TAFA2: variants seen among roughly 807,000 people sequenced by gnomAD.
TAFA2 encodes the protein TAFA chemokine like family member 2.
TAFA2 carries 7 observed loss-of-function variants against 18.8 expected under a neutral mutation model. The observed-to-expected ratio is 0.37, with a 90% CI of 0.21 to 0.70. The LOEUF (loss-of-function observed/expected upper bound fraction) is 0.70. TAFA2 is among the 30% of genes least tolerant of loss of function. TAFA2 has a pLI of 0.53. For synonymous variants in TAFA2, 60 were observed against 54.2 expected (o/e 1.11, Z -0.47); for missense variants, 122 against 158.1 (o/e 0.77, Z 1.23).
At chr12:61,839,476 G>A (rs1053186551) in intron 2 of TAFA2, among the ~76,000 whole-genome samples, 6 of 151,972 alleles carry the variant, frequency 3.9e-5, no homozygotes, top group South Asian at 2.1e-4. Context: ...CACTACTCAC[G>A]ATAGCAAAGA....
At chr12:61,926,216 A>G (rs1877284541) in intron 1 of TAFA2, among the ~76,000 whole-genome samples, 1 of 152,218 alleles carries the variant, frequency 6.6e-6, no homozygotes, top group Non-Finnish European at 1.5e-5. Flanking sequence ...CCTACCAACC[A>G]ACAAAAGCCC....
At chr12:62,221,102 TA>T (rs1157728535) in intron 1 of TAFA2, among the ~76,000 whole-genome samples, 21 of 125,120 alleles carry the variant, frequency 1.7e-4, no homozygotes, top group African/African-American at 6.1e-4. Context: ...AGACTCCGTC[TA>T]AAAAAAAACA....
intron 2 of TAFA2, among the ~76,000 whole-genome samples, chr12:61,849,538 T>C (rs1478900577): frequency 1.3e-5 from 2 of 152,204 alleles, no homozygotes; most frequent in Non-Finnish European, 2.9e-5. Context: ...ACTAAGTACA[T>C]AACTTTCTAT....
chr12:62,002,433 G>A (rs1880409629), intron 1 of TAFA2, among the ~76,000 whole-genome samples: 1 of 151,948 alleles, frequency 6.6e-6, no homozygotes, highest in Admixed American at 6.6e-5. Flanking sequence ...TTGCGTAATG[G>A]GCCTAGCTAC....
intron 2 of TAFA2, among the ~76,000 whole-genome samples, chr12:61,850,304 AT>A (rs576906342): frequency 5.9e-5 from 9 of 151,760 alleles, no homozygotes; most frequent in Non-Finnish European, 7.4e-5. Context: ...TAATTCAATA[AT>A]TTTTTTTACT....
intron 1 of TAFA2, chr12:62,235,463 T>C: frequency 1.3e-5 from 8 of 627,246 alleles, no homozygotes; most frequent in Admixed American, 7.2e-5. Flanking sequence ...CGCCTGCCAC[T>C]GGCTCAGCTT....
chr12:61,974,745 T>C (rs1041399685), intron 1 of TAFA2, among the ~76,000 whole-genome samples: 2 of 151,816 alleles, frequency 1.3e-5, no homozygotes, highest in Non-Finnish European at 2.9e-5. Context: ...ATTTAAATTA[T>C]TAATCAATCA....
At chr12:62,034,070 G>A (rs1040865324) in intron 1 of TAFA2, among the ~76,000 whole-genome samples, 1 of 152,202 alleles carries the variant, frequency 6.6e-6, no homozygotes, top group Non-Finnish European at 1.5e-5. Context: ...GGGAAAAAGA[G>A]TGGAAGACAT....
intron 1 of TAFA2, among the ~76,000 whole-genome samples, chr12:61,910,950 G>C (rs1009367721): frequency 1.3e-5 from 2 of 152,110 alleles, no homozygotes; most frequent in Admixed American, 1.3e-4. Flanking sequence ...ATGTTTGACT[G>C]TTTCTTTGTT....
At chr12:61,911,527 C>T (rs538374467) in intron 1 of TAFA2, among the ~76,000 whole-genome samples, 17 of 152,114 alleles carry the variant, frequency 1.1e-4, no homozygotes, top group Non-Finnish European at 2.2e-4. Context: ...AGCTAAATTC[C>T]ACAAGGAATT....
chr12:62,243,758 T>G (rs1565787114), intron 1 of TAFA2, among the ~76,000 whole-genome samples: 1 of 152,238 alleles, frequency 6.6e-6, no homozygotes, highest in Non-Finnish European at 1.5e-5. Flanking sequence ...TTACAACATC[T>G]GCTTTTTATT....
chr12:61,869,726 C>T (rs1874512461), intron 1 of TAFA2, among the ~76,000 whole-genome samples: 1 of 152,102 alleles, frequency 6.6e-6, no homozygotes, highest in Non-Finnish European at 1.5e-5. Context: ...CTCAGTAAAC[C>T]AAATGTCATT....
At chr12:62,190,888 C>A (rs2062618253) in intron 1 of TAFA2, among the ~76,000 whole-genome samples, 1 of 152,144 alleles carries the variant, frequency 6.6e-6, no homozygotes. Context: ...TGGTTACCAG[C>A]CAGGATGGGT....
chr12:61,759,274 G>A (rs555812794), intron 2 of TAFA2, among the ~76,000 whole-genome samples: 3 of 152,132 alleles, frequency 2.0e-5, no homozygotes, highest in East Asian at 1.9e-4. Context: ...CCTTCTGGAC[G>A]AAGGTTGTAC....
chr12:61,991,724 C>A (rs1473631621), intron 1 of TAFA2, among the ~76,000 whole-genome samples: 5 of 152,154 alleles, frequency 3.3e-5, no homozygotes, highest in Non-Finnish European at 5.9e-5. Flanking sequence ...TGCTTACTGT[C>A]TGAACTTCCT....
chr12:61,933,690 T>C (rs1160564098), intron 1 of TAFA2, among the ~76,000 whole-genome samples: 1 of 152,174 alleles, frequency 6.6e-6, no homozygotes, highest in Non-Finnish European at 1.5e-5. Context: ...ACCACTGCAC[T>C]CCAGCCTGGG....
chr12:62,017,229 T>TA (rs35758094), intron 1 of TAFA2, among the ~76,000 whole-genome samples: 34 of 150,464 alleles, frequency 2.3e-4, no homozygotes, highest in Middle Eastern at 3.4e-3. Flanking sequence ...AGTTAATGCG[T>TA]AAAAAAAAAA....
chr12:62,177,943 A>G (rs2062524905), intron 1 of TAFA2, among the ~76,000 whole-genome samples: 5 of 152,084 alleles, frequency 3.3e-5, no homozygotes, highest in Admixed American at 6.6e-5. Flanking sequence ...TCTCCCCTCC[A>G]TGGAGTCTAT....
intron 1 of TAFA2, among the ~76,000 whole-genome samples, chr12:62,059,957 T>C (rs1367872142): frequency 1.3e-5 from 2 of 152,378 alleles, no homozygotes; most frequent in East Asian, 1.9e-4. Context: ...TCTCAAGTTT[T>C]TGAGGATCTG....
Sources: allele counts gnomAD v4.1 joint callset (sites outside exome capture counted in the v4.1 genomes callset), GRCh38; gene constraint gnomAD v4.1.1; transcripts MANE v1.5; gene names NCBI Gene and HGNC (gene_info 2026-07-23, HGNC 2026-07-21).